Variants in BOD1L1 observed in about 807,000 individuals in gnomAD.
BOD1L1 encodes the protein biorientation of chromosomes in cell division 1 like 1.
In BOD1L1, 86 loss-of-function variants were observed where a neutral mutation model predicts 240.7. The observed-to-expected ratio is 0.36, with a 90% CI of 0.30 to 0.43. BOD1L1 has a LOEUF of 0.43. Ranked by LOEUF, BOD1L1 falls within the 20% of genes least tolerant of loss-of-function variation. The probability of loss-of-function intolerance (pLI) is 1.00; values close to 1 mark genes in which losing one functional copy is unlikely to be tolerated. For synonymous variants in BOD1L1, 1,268 were observed against 1,272.3 expected, an observed-to-expected ratio of 1.00 and a Z score of 0.07; for missense variants, 3,554 against 3,643.5, an observed-to-expected ratio of 0.98 and a Z score of 0.63.
rs757828138 is a variant in BOD1L1, at chr4:13,576,929, C to T, written c.8947G>A (p.Glu2983Lys). Reference protein sequence around the residue: ...SVSDPVEDKKEQESDEEEEEE... With the variant: ...SVSDPVEDKKKQESDEEEEEE... ...TCCTCTTCCTCATCAGACTCCTGCT[C>T]TTTCTTGTCCTCCACTGGATCAGAA... is the stretch of plus-strand genomic sequence containing the variant. Residue 2983 changes from glutamate (E) to lysine (K), a missense_variant, in exon 25 of 26, where the codon GAG becomes AAG. Glu to Lys is a moderately conservative substitution (Grantham distance 56). Transcript: ENST00000040738. 53 of 1,613,838 alleles carry T rather than the reference C, an allele frequency of 3.3e-5. No individual in the cohort carries two copies. The highest frequency in any genetic ancestry group is 4.1e-5 in the Non-Finnish European group (48 of 1,179,868).
chr4:13,623,512 C>T (rs1337998741), intron 1 of BOD1L1: 3 of 152,248 alleles, frequency 2.0e-5, no homozygotes, highest in African/African-American at 7.2e-5. Flanking sequence ...GATCTGGAAA[C>T]TGGTAGTCTA....
chr4:13,592,798 T>C (rs756586605), intron 12 of BOD1L1: 1 of 152,190 alleles, frequency 6.6e-6, no homozygotes, highest in Admixed American at 6.5e-5. Flanking sequence ...GGTCCTCAAC[T>C]GCTCCCACTC....
rs139589377 is a variant in BOD1L1, at chr4:13,600,608, C to G, written c.6292G>C (p.Ala2098Pro). Residue 2098 changes from alanine to proline, a missense_variant, in exon 10 of 26, where the codon GCT (alanine) becomes CCT (proline). By Grantham distance (27) the Ala-to-Pro change is conservative (BLOSUM62 -1). Transcript: ENST00000040738. ...ITDVEGGLSDALRTEENMEGT... is the reference protein window; with the variant it reads ...ITDVEGGLSDPLRTEENMEGT... ...TCCATATTTTCTTCAGTTCTCAGAGCATCTGAGAGACCTCCTTCCACATCT... is the reference window on the plus strand; with the variant it reads ...TCCATATTTTCTTCAGTTCTCAGAGGATCTGAGAGACCTCCTTCCACATCT... 113 of 1,613,730 alleles carry G rather than the reference C, an allele frequency of 7.0e-5. No individual in the cohort carries two copies. The Middle Eastern group carries it at 9.9e-4, about 14-fold the overall frequency.
rs1560199159 is a variant in BOD1L1 at position 13,600,736 on chromosome 4, A to AT, written c.6163dup (p.Ile2055AsnfsTer6). The AT allele has an allele frequency of 6.2e-7, 1 of 1,613,936 alleles. No homozygotes were observed. The highest frequency in any genetic ancestry group is 1.1e-5 in the South Asian group (1 of 91,088). On this transcript the variant is annotated frameshift_variant, in exon 10 of 26. Coordinates refer to ENST00000040738, the MANE Select transcript of BOD1L1 (RefSeq NM_148894.3). LOFTEE classifies it high-confidence loss of function. ...CCCTGCTAAGCTATTCTGGTTGGTAATATCACCACTGGCTGTAGTTGCCAT... is the reference window on the plus strand; with the variant it reads ...CCCTGCTAAGCTATTCTGGTTGGTAATTATCACCACTGGCTGTAGTTGCCAT...
At chr4:13,616,133 G>A (rs1716578080) in intron 2 of BOD1L1, among the ~76,000 whole-genome samples, 1 of 152,160 alleles carries the variant, frequency 6.6e-6, no homozygotes, top group Non-Finnish European at 1.5e-5. Context: ...CTATATAACA[G>A]GCACTATGCT....
chr4:13,627,555 A>G lies in BOD1L1; in HGVS notation c.33T>C (p.Pro11=), dbSNP rs1717508349. The G allele has an allele frequency of 8.8e-7, 1 of 1,132,108 alleles. No homozygotes were observed. The highest frequency in any genetic ancestry group is 1.1e-6 in the Non-Finnish European group (1 of 923,884). The allele number at this position is 1,132,108 out of a possible 1,614,324, so 70.1% of individuals were successfully genotyped here. A position where few individuals can be genotyped will look rare whatever the true frequency, so the allele number is the denominator to read the frequency against. The change falls in exon 1 of 26, where the codon CCT becomes CCC. Residue 11 remains proline, a synonymous_variant. Coordinates refer to ENST00000040738, the MANE Select transcript of BOD1L1 (RefSeq NM_148894.3). MATNPQPQPP[P]PAPPPPPPQP... ...GCGGCGGGGGAGGCGGCGGCGCCGG[A>G]GGAGGCGGCTGCGGCTGTGGGTTGG...
intron 17 of BOD1L1, among the ~76,000 whole-genome samples, chr4:13,584,754 C>T (rs994764366): frequency 6.6e-6 from 1 of 151,654 alleles, no homozygotes; most frequent in Non-Finnish European, 1.5e-5. Flanking sequence ...AATTTTTTCA[C>T]GTATTCAATT....
In BOD1L1 at chr4:13,614,568, C is replaced by T; in HGVS notation, c.802G>A (p.Gly268Ser). The T allele has an allele frequency of 6.2e-7, 1 of 1,613,956 alleles. No homozygotes were observed. Among genetic ancestry groups the T allele is most frequent in the Non-Finnish European group, 8.5e-7 (1 of 1,179,888 alleles). The change falls in exon 4 of 26, where the codon GGT (glycine) becomes AGT (serine). Residue 268 changes from glycine to serine, a missense_variant. Gly to Ser is a moderately conservative substitution (Grantham distance 56, BLOSUM62 0). This residue lies in a region of BOD1L1 where 3,393 missense variants were observed against 3,427.1 expected (regional missense o/e 0.99). Transcript: ENST00000040738. ...TTTGGGGCTGTTTCCAGTCCTTCACCTCCAGAGTCAGCTGTAGATTTTTCT... is the reference window on the plus strand; with the variant it reads ...TTTGGGGCTGTTTCCAGTCCTTCACTTCCAGAGTCAGCTGTAGATTTTTCT... ...DKEKSTADSG[G>S]EGLETAPKSE...
chr4:13,618,017 A>C (rs1716747694), intron 2 of BOD1L1, among the ~76,000 whole-genome samples: 1 of 152,196 alleles, frequency 6.6e-6, no homozygotes, highest in South Asian at 2.1e-4. Context: ...TCCAGCATTT[A>C]ATCACTGACA....
Position 13,614,402 on chromosome 4 carries a change from T to C in BOD1L1, c.968A>G (p.Glu323Gly). The change falls in exon 4 of 26, where the codon GAA becomes GGA. Residue 323 changes from glutamate to glycine, a missense_variant. Transcript: ENST00000040738. ...TTTCTCATTGCTGTCTGGCTTCTTT[T>C]CACCTTTGTCTGTTGATTTATTTTT... ...EQKNKSTDKG[E>G]KKPDSNEKGE... 6.3e-7 allele frequency: 1 copy of C among 1,577,234 alleles called. No individual in the cohort carries two copies. Among genetic ancestry groups the C allele is most frequent in the South Asian group, 1.1e-5 (1 of 87,568 alleles).
intron 25 of BOD1L1, among the ~76,000 whole-genome samples, chr4:13,573,398 TAC>T (rs2108874172): frequency 6.6e-6 from 1 of 150,768 alleles, no homozygotes; most frequent in South Asian, 2.1e-4. Flanking sequence ...ACACTTGGTA[TAC>T]AGAGTTTGCT....
Position 13,604,724 on chromosome 4 carries a change from C to CGAA in BOD1L1, c.2175_2176insTTC (p.Lys725_Glu726insPhe). 1 of 1,609,762 alleles carries CGAA rather than the reference C, an allele frequency of 6.2e-7. No homozygotes were observed. The highest frequency in any genetic ancestry group is 1.1e-5 in the South Asian group (1 of 89,568). ...GGAGTTTTCTCTCTTTCAGGCTTCT[C>CGAA]CTTGGAGGATTTCACCTCTTTCTTA... is the stretch of plus-strand genomic sequence containing the variant. On this transcript the variant is annotated inframe_insertion, in exon 10 of 26. Coordinates refer to ENST00000040738, the MANE Select transcript of BOD1L1 (RefSeq NM_148894.3).
In BOD1L1 at chr4:13,601,598, G is replaced by A; in HGVS notation, c.5302C>T (p.Pro1768Ser). Reference sequence around the variant, plus strand: ...TCTTGGCTGGCACTTGTTCCTGGTGGTGCATCATTATCTCCCAGGACAACA... The same window carrying A: ...TCTTGGCTGGCACTTGTTCCTGGTGATGCATCATTATCTCCCAGGACAACA... Reference protein sequence around the residue: ...AGVVLGDNDAPPGTSASQEGD... With the variant: ...AGVVLGDNDASPGTSASQEGD... The change falls in exon 10 of 26, where the codon CCA (proline) becomes TCA (serine). Residue 1768 changes from proline to serine, a missense_variant. Pro to Ser is a moderately conservative substitution (Grantham distance 74). Around this residue, in one of 2 missense-constraint regions of BOD1L1, gnomAD observed 3,393 missense variants for 3,427.1 expected, o/e 0.99. Coordinates refer to ENST00000040738, the MANE Select transcript of BOD1L1 (RefSeq NM_148894.3). 1 of 1,613,938 alleles carries A rather than the reference G, an allele frequency of 6.2e-7. No homozygotes were observed. The highest frequency in any genetic ancestry group is 1.6e-4 in the Middle Eastern group (1 of 6,062).
In BOD1L1 at chr4:13,604,389, C is replaced by G; in HGVS notation, c.2511G>C (p.Lys837Asn). ...KERRLSAEKTKAEHKSRRSSD... is the reference protein window; with the variant it reads ...KERRLSAEKTNAEHKSRRSSD... ...TTGACCTTCTTGATTTGTGCTCTGC[C>G]TTAGTTTTTTCAGCTGACAAGCGTC... The change falls in exon 10 of 26, where the codon AAG (lysine) becomes AAC (asparagine). Residue 837 changes from lysine to asparagine, a missense_variant. Physicochemically the swap from Lys to Asn is moderately conservative, Grantham distance 94 (BLOSUM62 0). Around this residue, in one of 2 missense-constraint regions of BOD1L1, gnomAD observed 3,393 missense variants for 3,427.1 expected, o/e 0.99. Coordinates refer to ENST00000040738, the MANE Select transcript of BOD1L1 (RefSeq NM_148894.3). The G allele has an allele frequency of 1.3e-6, 2 of 1,578,960 alleles. No homozygotes were observed. The highest frequency in any genetic ancestry group is 1.4e-5 in the African/African-American group (1 of 72,782).
chr4:13,585,186 A>C (rs1247920963), intron 17 of BOD1L1, among the ~76,000 whole-genome samples: 1 of 152,136 alleles, frequency 6.6e-6, no homozygotes, highest in Non-Finnish European at 1.5e-5. Context: ...AACCAACTAA[A>C]ATTCATGACA....
Position 13,595,242 on chromosome 4 carries a change from A to G in BOD1L1, c.8104+618T>C, listed in dbSNP as rs118059462. ...TCTTATTTGGCAAATGTCAACAGGT[A>G]TAAGCCATATAACAAAATCTCTTTG... is the stretch of plus-strand genomic sequence containing the variant. On this transcript the variant is annotated intron_variant, in intron 12 of 25. Coordinates refer to ENST00000040738, the MANE Select transcript of BOD1L1 (RefSeq NM_148894.3). Among the ~76,000 whole-genome samples the G allele has an allele frequency of 1.8e-4, 28 of 152,360 alleles. No homozygotes were observed. The East Asian group carries it at 5.2e-3, about 28-fold the overall frequency.
Position 13,605,882 on chromosome 4 carries a change from C to A in BOD1L1, c.1816-798G>T, listed in dbSNP as rs181435024. Among the ~76,000 whole-genome samples, 22 of 152,124 alleles carry A rather than the reference C, an allele frequency of 1.4e-4. No individual in the cohort carries two copies. In the East Asian group the frequency reaches 2.7e-3, roughly 19 times the overall value. ...ATGTTTATGTATTCAAAAAAAGATACGGAGAGACAAGAGCATCTAAACCTT... is the reference window on the plus strand; with the variant it reads ...ATGTTTATGTATTCAAAAAAAGATAAGGAGAGACAAGAGCATCTAAACCTT... On this transcript the variant is annotated intron_variant, in intron 9 of 25. Coordinates refer to ENST00000040738, the MANE Select transcript of BOD1L1 (RefSeq NM_148894.3).
At chr4:13,583,668 T>C (rs2108897810) in intron 17 of BOD1L1, among the ~76,000 whole-genome samples, 1 of 152,378 alleles carries the variant, frequency 6.6e-6, no homozygotes, top group South Asian at 2.1e-4. Context: ...ACAGAGCTTC[T>C]GCTACTTCCT....
chr4:13,587,347 T>C (rs1213008182), intron 16 of BOD1L1, among the ~76,000 whole-genome samples: 1 of 152,178 alleles, frequency 6.6e-6, no homozygotes, highest in Non-Finnish European at 1.5e-5. Context: ...GAATGGGTGT[T>C]AGAGGCACTT....
Sources: gnomAD v4.1 joint callset for allele counts (sites outside exome capture counted in the v4.1 genomes callset) on GRCh38, gnomAD v4.1.1 for gene constraint, gnomAD v4.1.1 regional missense constraint, MANE v1.5 for transcripts, NCBI Gene and HGNC (gene_info 2026-07-23, HGNC 2026-07-21) for gene names.